Variants in RRM1 observed in about 807,000 individuals in gnomAD.
RRM1 encodes ribonucleoside-diphosphate reductase large subunit.
RRM1 carries 19 observed loss-of-function variants against 101.5 expected under a neutral mutation model. The observed-to-expected ratio is 0.19, with a 90% CI of 0.13 to 0.27. The LOEUF is 0.27. Ranked by LOEUF, RRM1 falls within the 10% of genes least tolerant of loss-of-function variation. The probability of loss-of-function intolerance (pLI) is 1.00; values close to 1 mark genes in which losing one functional copy is unlikely to be tolerated. For missense variants in RRM1, 500 were observed against 962.9 expected (o/e 0.52, Z 6.36); for synonymous variants, 298 against 323.4 (o/e 0.92, Z 0.84).
At chr11:4,121,837 T>C (rs2094582307) in intron 10 of RRM1, 72 bp downstream of exon 10, 1 of 1,434,388 alleles carries the variant, frequency 7.0e-7, no homozygotes, top group Non-Finnish European at 9.4e-7. Context: ...TCATCTTAAG[T>C]CATGCTTAGG....
At chr11:4,128,214 T>G (rs1457707191) in intron 14 of RRM1, among the ~76,000 whole-genome samples, 12 of 145,720 alleles carry the variant, frequency 8.2e-5, no homozygotes, top group Non-Finnish European at 1.3e-4. Context: ...CAGGCTGGAG[T>G]GTGTGGTGTG....
chr11:4,107,352 C>T (rs913847887), intron 3 of RRM1, 83 bp from the exon 4 acceptor site: 5 of 944,548 alleles, frequency 5.3e-6, no homozygotes, highest in African/African-American at 4.8e-5. Flanking sequence ...GGGTTGAGAA[C>T]CACTGTTTTC....
At chr11:4,127,315 A>G in intron 14 of RRM1, 59 bp downstream of exon 14, 1 of 1,075,328 alleles carries the variant, frequency 9.3e-7, no homozygotes, top group Admixed American at 2.7e-5. Context: ...CTGAATGGTG[A>G]CCCCACAAAA....
intron 2 of RRM1, among the ~76,000 whole-genome samples, chr11:4,103,595 C>T (rs772918790): frequency 2.0e-5 from 3 of 152,052 alleles, no homozygotes; most frequent in Non-Finnish European, 4.4e-5. Flanking sequence ...AATCCCAGCA[C>T]TTTGGGAGAC....
At chr11:4,124,160 G>C (rs551371316) in intron 12 of RRM1, among the ~76,000 whole-genome samples, 2 of 152,162 alleles carry the variant, frequency 1.3e-5, no homozygotes, top group Admixed American at 6.5e-5. Context: ...GACACGTCAC[G>C]GATAGGTAGC....
Position 4,132,255 on chromosome 11 carries a change from G to A in RRM1, c.1770-31G>A. On this transcript the variant is annotated intron_variant, in intron 15 of 18. Transcript: ENST00000300738. This position sits in a 1 kb window ranked among gnomAD's most constrained non-coding sequence, Gnocchi z 4.1. ...CTTTCCTGGCAGATTGTAGCTTTGG[G>A]ACTAGTACCTGATAATCTCCTTTTC... is the stretch of plus-strand genomic sequence containing the variant. 6.2e-7 allele frequency: 1 copy of A among 1,612,804 alleles called. No homozygotes were observed. Among genetic ancestry groups the A allele is most frequent in the South Asian group, 1.1e-5 (1 of 90,988 alleles).
intron 9 of RRM1, among the ~76,000 whole-genome samples, chr11:4,120,690 A>G (rs2094580401): frequency 6.6e-6 from 1 of 152,218 alleles, no homozygotes; most frequent in South Asian, 2.1e-4. Context: ...AACAAAAACA[A>G]AAACTACCTG....
chr11:4,129,619 A>ACTC (rs2094595646), intron 15 of RRM1, among the ~76,000 whole-genome samples: 1 of 152,122 alleles, frequency 6.6e-6, no homozygotes, highest in African/African-American at 2.4e-5. Flanking sequence ...ATGAAAAAAA[A>ACTC]ATTTTTAAAT....
chr11:4,123,361 G>A lies in RRM1; in HGVS notation c.1297G>A (p.Val433Met). The part of the protein sequence containing the change: ...IKCSNLCTEI[V>M]EYTSKDEVAV... ...ATGCAGCAACCTGTGCACAGAAATA[G>A]TGGAGTACACCAGCAAAGATGAGGT... Residue 433 changes from valine to methionine, a missense_variant, in exon 12 of 19, where the codon GTG becomes ATG. Transcript: ENST00000300738. 4 of 1,614,114 alleles carry A rather than the reference G, an allele frequency of 2.5e-6. No individual in the cohort carries two copies. The highest frequency in any genetic ancestry group is 3.4e-6 in the Non-Finnish European group (4 of 1,179,986).
intron 15 of RRM1, 49 bp downstream of exon 15, chr11:4,129,199 C>A: frequency 9.4e-7 from 1 of 1,067,230 alleles, no homozygotes; most frequent in South Asian, 1.4e-5. Flanking sequence ...GGTTTAGGTT[C>A]ACCTTCTGGA....
chr11:4,118,364 A>G lies in RRM1; in HGVS notation c.695A>G (p.Tyr232Cys). Residue 232 changes from tyrosine (Y) to cysteine (C), a missense_variant, in exon 8 of 19, where the codon TAT becomes TGT. Physicochemically the swap from Tyr to Cys is radical, Grantham distance 194. This residue lies in a region of RRM1 where 111 missense variants were observed against 219.8 expected (regional missense o/e 0.51). Transcript: ENST00000300738. Reference sequence around the variant, plus strand: ...AAAGATGACAGCATTGAAGGCATTTATGACACTCTAAAGCAATGTGCATTG... The same window carrying G: ...AAAGATGACAGCATTGAAGGCATTTGTGACACTCTAAAGCAATGTGCATTG... ...SMKDDSIEGI[Y>C]DTLKQCALIS... 1 of 1,613,890 alleles carries G rather than the reference A, an allele frequency of 6.2e-7. No homozygotes were observed. Among genetic ancestry groups the G allele is most frequent in the Non-Finnish European group, 8.5e-7 (1 of 1,179,906 alleles).
At chr11:4,117,303 A>G (rs768294132) in intron 7 of RRM1, among the ~76,000 whole-genome samples, 3 of 152,188 alleles carry the variant, frequency 2.0e-5, no homozygotes, top group Non-Finnish European at 2.9e-5. Flanking sequence ...ATTCTACAGA[A>G]ATGCTTAGAG....
chr11:4,105,622 C>A, intron 2 of RRM1: 1 of 395,504 alleles, frequency 2.5e-6, no homozygotes, highest in Non-Finnish European at 4.8e-6. Context: ...ACTCTGCCAC[C>A]CAGGCTGGAG....
chr11:4,137,384 TGGCCAGGCGGGG>T, intron 18 of RRM1: 1 of 147,070 alleles, frequency 6.8e-6, no homozygotes, highest in African/African-American at 3.0e-5. Flanking sequence ...ACGGGGCGGC[TGGCCAGGCGGGG>T]GGCTGACCCC....
chr11:4,105,715 A>T, intron 2 of RRM1: 1 of 376,206 alleles, frequency 2.7e-6, no homozygotes. Context: ...CACCCAGCTA[A>T]TTTTTTTTAT....
At position 4,123,432 on chromosome 11, in the gene RRM1, C is replaced by G. The variant is rs1233082973; in HGVS notation, c.1320+48C>G. 2.7e-6 allele frequency: 4 copies of G among 1,458,154 alleles called. No homozygotes were observed. In the East Asian group the frequency reaches 9.1e-5, roughly 33 times the overall value. The allele number at this position is 1,458,154 out of a possible 1,614,324, so 90.3% of individuals were successfully genotyped here. A position where few individuals can be genotyped will look rare whatever the true frequency, so the allele number is the denominator to read the frequency against. ...AGAGTACTAAGAAGAGAACCTTAGG[C>G]AGTTATTATTTGTGAATTCCTCACT... On this transcript the variant is annotated intron_variant, in intron 12 of 18. Transcript: ENST00000300738.
chr11:4,125,599 C>G (rs939964224), intron 12 of RRM1, among the ~76,000 whole-genome samples: 6 of 152,170 alleles, frequency 3.9e-5, no homozygotes, highest in African/African-American at 1.4e-4. Flanking sequence ...GCTCCTACCT[C>G]AGGATTTTTG....
intron 15 of RRM1, among the ~76,000 whole-genome samples, chr11:4,131,859 G>A (rs918606105): frequency 1.3e-5 from 2 of 152,198 alleles, no homozygotes; most frequent in African/African-American, 4.8e-5. Flanking sequence ...CTAGCACAAT[G>A]ATTTTATAGG....
intron 2 of RRM1, chr11:4,105,687 C>T (rs1487712272): frequency 5.0e-6 from 2 of 403,334 alleles, no homozygotes; most frequent in Admixed American, 6.5e-5. Context: ...TAGCTGGGAT[C>T]ACAGGTGTGT....
Sources: allele counts gnomAD v4.1 joint callset (sites outside exome capture counted in the v4.1 genomes callset), GRCh38; gene constraint gnomAD v4.1.1; regional missense constraint gnomAD v4.1.1; non-coding constraint Gnocchi (gnomAD v3.1); transcripts MANE v1.5; gene names NCBI Gene and HGNC (gene_info 2026-07-23, HGNC 2026-07-21).